The following ANK3 variants were observed in gnomAD, a reference collection of about 807,000 sequenced individuals.
ANK3 encodes the protein ankyrin 3.
Under a neutral mutation model 370.9 loss-of-function variants are expected in ANK3, and 57 were observed. That is an observed-to-expected ratio of 0.15 (90% CI 0.12 to 0.19). ANK3 has a LOEUF of 0.19. ANK3 is among the 10% of genes least tolerant of loss of function. The pLI is 1.00. For missense variants in ANK3, 4,439 were observed against 5,302.1 expected (o/e 0.84, Z 5.06); for synonymous variants, 1,929 against 1,946.3 (o/e 0.99, Z 0.23).
At chr10:60,565,882 A>G (rs1288006842) in intron 2 of ANK3, among the ~76,000 whole-genome samples, 1 of 152,128 alleles carries the variant, frequency 6.6e-6, no homozygotes, top group Non-Finnish European at 1.5e-5. Flanking sequence ...CACTTTCTAC[A>G]CAGATTGGTT....
Position 60,444,453 on chromosome 10 carries a change from T to C in ANK3, c.97-164814A>G, listed in dbSNP as rs557265797. Among the ~76,000 whole-genome samples the C allele has an allele frequency of 5.0e-3, 754 of 151,254 alleles. 5 individuals carry two copies. Among genetic ancestry groups the C allele is most frequent in the Non-Finnish European group, 6.4e-3 (432 of 67,864 alleles). ...ACGTGTGTGTGTGTGTGTATATATA[T>C]ATATATATATAAAGACTAATGAAAG... On this transcript the variant is annotated intron_variant, in intron 2 of 43. Transcript: ENST00000373827.
At chr10:60,371,169 ATC>A (rs2060060271) in intron 1 of ANK3, among the ~76,000 whole-genome samples, 1 of 152,154 alleles carries the variant, frequency 6.6e-6, no homozygotes, top group African/African-American at 2.4e-5. Context: ...CAATCTACAC[ATC>A]TGTCTCATCT....
chr10:60,223,656 T>C (rs1394952301), intron 8 of ANK3, among the ~76,000 whole-genome samples: 1 of 150,702 alleles, frequency 6.6e-6, no homozygotes, highest in East Asian at 1.9e-4. Flanking sequence ...ATTTTCCTTG[T>C]TATCCTTTTT....
At chr10:60,356,516 T>A (rs2057770692) in intron 1 of ANK3, among the ~76,000 whole-genome samples, 1 of 152,090 alleles carries the variant, frequency 6.6e-6, no homozygotes, top group Non-Finnish European at 1.5e-5. Flanking sequence ...GAGAAAAAAA[T>A]CCCTGTCTAT....
chr10:60,474,028 G>A (rs2074990897), intron 2 of ANK3, among the ~76,000 whole-genome samples: 1 of 151,448 alleles, frequency 6.6e-6, no homozygotes, highest in South Asian at 2.1e-4. Flanking sequence ...AGCTACTTGG[G>A]AGGCTGAGGC....
intron 2 of ANK3, among the ~76,000 whole-genome samples, chr10:60,576,936 C>G (rs898270692): frequency 3.9e-5 from 6 of 152,180 alleles, no homozygotes; most frequent in Admixed American, 3.9e-4. Flanking sequence ...ACCAGTATCT[C>G]CCAGAGAATG....
intron 8 of ANK3, among the ~76,000 whole-genome samples, chr10:60,219,500 C>T (rs555567567): frequency 2.0e-5 from 3 of 152,048 alleles, no homozygotes; most frequent in Admixed American, 6.6e-5. Context: ...GGGCAATGTG[C>T]GTGAGAGAGA....
intron 1 of ANK3, among the ~76,000 whole-genome samples, chr10:60,288,889 A>AACACACACAC (rs35560146): frequency 0.021 from 2,941 of 139,266 alleles, 41 homozygotes; most frequent in African/African-American, 0.025. Flanking sequence ...AGGTAGGAAT[A>AACACACACAC]ACACACACAC....
chr10:60,332,637 A>G (rs1593948746), intron 1 of ANK3, among the ~76,000 whole-genome samples: 1 of 152,210 alleles, frequency 6.6e-6, no homozygotes, highest in East Asian at 1.9e-4. Context: ...GGCAGCAGCT[A>G]CTGAGGAGGA....
intron 1 of ANK3, among the ~76,000 whole-genome samples, chr10:60,713,627 T>C (rs1246824749): frequency 6.6e-6 from 1 of 152,124 alleles, no homozygotes; most frequent in Non-Finnish European, 1.5e-5. Context: ...GCAGTGCTCA[T>C]GCCTGTAATC....
Position 60,389,431 on chromosome 10 carries a change from C to A in ANK3, c.108G>T (p.Lys36Asn). 6.2e-7 allele frequency: 1 copy of A among 1,613,600 alleles called. No individual in the cohort carries two copies. Among genetic ancestry groups the A allele is most frequent in the South Asian group, 1.1e-5 (1 of 91,030 alleles). Residue 36 changes from lysine to asparagine, a missense_variant, in exon 1 of 44, where the codon AAG becomes AAT. Physicochemically the swap from Lys to Asn is moderately conservative, Grantham distance 94. Transcript: ENST00000280772. ...RKHRKRSRDRKKKSDANASYL... is the reference protein window; with the variant it reads ...RKHRKRSRDRNKKSDANASYL... Reference sequence around the variant, plus strand: ...CTCTGGCATACATAGATACCTTTTTCTTCCGATCCCGGGACCGTTTGCGGT... The same window carrying A: ...CTCTGGCATACATAGATACCTTTTTATTCCGATCCCGGGACCGTTTGCGGT...
rs138498382 is a variant in ANK3 at position 60,243,035 on chromosome 10, C to T, written c.799-8249G>A. ...ATATACTTATGTCTTACTATTTTTGCATTTTTGGAGCACCTAAGAGTGTGT... is the reference window on the plus strand; with the variant it reads ...ATATACTTATGTCTTACTATTTTTGTATTTTTGGAGCACCTAAGAGTGTGT... On this transcript the variant is annotated intron_variant, in intron 7 of 43. Transcript: ENST00000280772. Among the ~76,000 whole-genome samples the T allele has an allele frequency of 2.4e-3, 365 of 152,150 alleles. 1 individual carries two copies. Among genetic ancestry groups the T allele is most frequent in the African/African-American group, 8.4e-3 (350 of 41,510 alleles).
intron 1 of ANK3, among the ~76,000 whole-genome samples, chr10:60,678,065 TATAAAACACAGACTGAG>T (rs1464706584): frequency 3.9e-5 from 6 of 152,178 alleles, no homozygotes; most frequent in Admixed American, 3.9e-4. Context: ...GAACAAATGA[TATAAAACACAGACTGAG>T]AACAAGGCAC....
chr10:60,226,632 T>G (rs2097168036), intron 8 of ANK3, among the ~76,000 whole-genome samples: 1 of 97,614 alleles, frequency 1.0e-5, no homozygotes, highest in African/African-American at 3.2e-5. Flanking sequence ...CTATATATTA[T>G]ATATAGTATA....
chr10:60,715,122 C>T (rs1439601812), intron 1 of ANK3, among the ~76,000 whole-genome samples: 1 of 151,636 alleles, frequency 6.6e-6, no homozygotes, highest in Non-Finnish European at 1.5e-5. Flanking sequence ...TTTTCTACTC[C>T]ATTTTTCTGT....
chr10:60,703,855 G>A (rs920647), intron 1 of ANK3, among the ~76,000 whole-genome samples: 7,955 of 151,976 alleles, frequency 0.052, 298 homozygotes, highest in African/African-American at 0.087. Context: ...CAAAGACAGT[G>A]TTCCAATGAA....
rs538541869 is a variant in ANK3 at position 60,476,350 on chromosome 10, G to A, written c.96+138836C>T. On this transcript the variant is annotated intron_variant, in intron 2 of 43. Transcript: ENST00000373827. ...GTGACTTGATGATGTAAATTGTATA[G>A]AGGATAAACAATAATATAATTTCTG... Among the ~76,000 whole-genome samples, 519 of 152,250 alleles carry A rather than the reference G, an allele frequency of 3.4e-3. 2 individuals are homozygous for A. Among genetic ancestry groups the A allele is most frequent in the Non-Finnish European group, 5.0e-3 (343 of 68,020 alleles).
At chr10:60,134,156 AC>A in intron 25 of ANK3, 114 bp downstream of exon 25, 1 of 844,688 alleles carries the variant, frequency 1.2e-6, no homozygotes, top group South Asian at 1.8e-5. Flanking sequence ...CAGAAGATTT[AC>A]AAATGTAAAA....
chr10:60,518,142 G>A (rs2076265807), intron 2 of ANK3, among the ~76,000 whole-genome samples: 1 of 69,850 alleles, frequency 1.4e-5, no homozygotes, highest in Non-Finnish European at 3.1e-5. Flanking sequence ...TCTAAAGCCT[G>A]GGGCAAGGAC....
Sources: gnomAD v4.1 joint callset for allele counts (sites outside exome capture counted in the v4.1 genomes callset) on GRCh38, gnomAD v4.1.1 for gene constraint, MANE v1.5 for transcripts, NCBI Gene and HGNC (gene_info 2026-07-23, HGNC 2026-07-21) for gene names.